The following DOCK1 variants were observed in gnomAD, a reference collection of about 807,000 sequenced individuals.
The protein encoded by DOCK1 is dedicator of cytokinesis protein 1.
Under a neutral mutation model 262.7 loss-of-function variants are expected in DOCK1, and 138 were observed. The ratio of observed to expected loss-of-function variants is 0.53; its 90% CI spans 0.46 to 0.61. DOCK1 has a LOEUF of 0.61. Among genes scored for constraint, DOCK1 ranks in the 20% least tolerant of loss-of-function variants. DOCK1 has a pLI of 0.00. For missense variants in DOCK1, 1,908 were observed against 2,370.7 expected (o/e 0.80, Z 4.05); for synonymous variants, 866 against 867.4 (o/e 1.00, Z 0.03).
intron 42 of DOCK1, among the ~76,000 whole-genome samples, chr10:127,410,284 C>A (rs1019984941): frequency 6.6e-6 from 1 of 152,156 alleles, no homozygotes; most frequent in Non-Finnish European, 1.5e-5. Flanking sequence ...ACGCTTAGAG[C>A]CTTCTCAGAT....
intron 23 of DOCK1, among the ~76,000 whole-genome samples, chr10:127,084,962 AT>A (rs757379756): frequency 6.6e-6 from 1 of 152,160 alleles, no homozygotes; most frequent in Non-Finnish European, 1.5e-5. Flanking sequence ...AAGACTGGAA[AT>A]CTTGCCTTTA....
intron 29 of DOCK1, among the ~76,000 whole-genome samples, chr10:127,261,485 T>C (rs1235301170): frequency 8.0e-6 from 1 of 124,956 alleles, no homozygotes; most frequent in Non-Finnish European, 1.6e-5. Context: ...GTACCCGTGC[T>C]CATCTGTGTG....
intron 27 of DOCK1, among the ~76,000 whole-genome samples, chr10:127,227,284 A>G (rs537059828): frequency 6.6e-6 from 1 of 152,334 alleles, no homozygotes; most frequent in African/African-American, 2.4e-5. Context: ...TGAGGCCATG[A>G]GGACACCTAC....
intron 1 of DOCK1, among the ~76,000 whole-genome samples, chr10:126,912,143 C>G (rs1403171887): frequency 6.6e-6 from 1 of 152,124 alleles, no homozygotes; most frequent in Non-Finnish European, 1.5e-5. Context: ...TACAAGGCCA[C>G]TATGGCCAGC....
At chr10:127,319,365 A>G (rs768757748) in intron 29 of DOCK1, among the ~76,000 whole-genome samples, 1 of 152,248 alleles carries the variant, frequency 6.6e-6, no homozygotes, top group Non-Finnish European at 1.5e-5. Context: ...AATGAATCCA[A>G]TATATTTTAA....
Position 126,987,529 on chromosome 10 carries a change from A to C in DOCK1, c.236A>C (p.Glu79Ala). ...EAIVEGKGQHETVIPGDLPLI... is the reference protein window; with the variant it reads ...EAIVEGKGQHATVIPGDLPLI... ...TCCTTCTTTCCTCCCAGGCAACATG[A>C]AACAGTCATCCCGGGTGACCTCCCC... The change falls in exon 5 of 52, where the codon GAA becomes GCA. Residue 79 changes from glutamate to alanine, a missense_variant. Transcript: ENST00000623213. 6.3e-7 allele frequency: 1 copy of C among 1,577,744 alleles called. No individual in the cohort carries two copies. Among genetic ancestry groups the C allele is most frequent in the Non-Finnish European group, 8.6e-7 (1 of 1,161,404 alleles).
intron 42 of DOCK1, among the ~76,000 whole-genome samples, chr10:127,409,856 G>C (rs2067740845): frequency 6.6e-6 from 1 of 152,150 alleles, no homozygotes; most frequent in South Asian, 2.1e-4. Context: ...GAACCCTTCA[G>C]CCTTACAGCA....
chr10:126,911,994 A>G (rs568169754), intron 1 of DOCK1, among the ~76,000 whole-genome samples: 1 of 152,260 alleles, frequency 6.6e-6, no homozygotes, highest in East Asian at 1.9e-4. Flanking sequence ...TTTCTTCACA[A>G]TTCTGTAATG....
chr10:127,226,227 T>C (rs1414770151), intron 27 of DOCK1, among the ~76,000 whole-genome samples: 3 of 152,198 alleles, frequency 2.0e-5, no homozygotes, highest in Non-Finnish European at 2.9e-5. Flanking sequence ...TGAATGATTA[T>C]GCATAAGGCT....
At chr10:127,266,800 T>G (rs1387847418) in intron 29 of DOCK1, among the ~76,000 whole-genome samples, 1 of 152,200 alleles carries the variant, frequency 6.6e-6, no homozygotes, top group East Asian at 1.9e-4. Flanking sequence ...CTCATGCACT[T>G]AATAATATTG....
At chr10:127,305,609 G>C (rs2061845007) in intron 29 of DOCK1, among the ~76,000 whole-genome samples, 1 of 152,164 alleles carries the variant, frequency 6.6e-6, no homozygotes, top group Non-Finnish European at 1.5e-5. Context: ...CAGACAAGGA[G>C]CTGCTGGAGA....
At chr10:126,999,748 C>G (rs1156675529) in intron 9 of DOCK1, among the ~76,000 whole-genome samples, 1 of 152,190 alleles carries the variant, frequency 6.6e-6, no homozygotes, top group African/African-American at 2.4e-5. Context: ...GTGATCTCGG[C>G]TCACTGCAAC....
intron 27 of DOCK1, among the ~76,000 whole-genome samples, chr10:127,198,444 G>A (rs1243785500): frequency 5.3e-5 from 8 of 152,210 alleles, no homozygotes; most frequent in Non-Finnish European, 7.3e-5. Flanking sequence ...GAAGTTTTCC[G>A]GGACCAAGAG....
At chr10:127,191,468 C>T (rs1420415027) in intron 27 of DOCK1, among the ~76,000 whole-genome samples, 1 of 152,158 alleles carries the variant, frequency 6.6e-6, no homozygotes, top group African/African-American at 2.4e-5. Context: ...ATCTTTGCTG[C>T]ATTTTTTAAG....
At chr10:127,280,035 A>ATATATATATATATAAT in intron 29 of DOCK1, among the ~76,000 whole-genome samples, 1 of 59,790 alleles carries the variant, frequency 1.7e-5, no homozygotes, top group Non-Finnish European at 3.3e-5. Flanking sequence ...TATATATATA[A>ATATATATATATATAAT]TTTTTTTTTT....
At position 127,439,004 on chromosome 10, in the gene DOCK1, G is replaced by A. The variant is rs760266959; in HGVS notation, c.5061-23G>A. 26 of 1,539,454 alleles carry A rather than the reference G, an allele frequency of 1.7e-5. No individual in the cohort carries two copies. In the South Asian group the frequency reaches 3.2e-4, roughly 19 times the overall value. On this transcript the variant is annotated intron_variant, in intron 48 of 51. Transcript: ENST00000623213. ...TGGAAAGCAATTGCTCTCCTATTAA[G>A]ACGTCATTGACCTTTCCTTTAGGTT...
chr10:127,346,323 G>C (rs978668336), intron 31 of DOCK1, among the ~76,000 whole-genome samples: 1 of 152,192 alleles, frequency 6.6e-6, no homozygotes, highest in Non-Finnish European at 1.5e-5. Context: ...ACAGCGGTGC[G>C]GTGGCTCATA....
chr10:127,161,561 G>A (rs2053596370), intron 27 of DOCK1, among the ~76,000 whole-genome samples: 1 of 152,202 alleles, frequency 6.6e-6, no homozygotes, highest in South Asian at 2.1e-4. Context: ...ATACTGGCAA[G>A]GCTGTTTGGA....
chr10:127,409,354 C>G lies in DOCK1; in HGVS notation c.4306C>G (p.Pro1436Ala), dbSNP rs1014668292. 6.2e-7 allele frequency: 1 copy of G among 1,613,974 alleles called. No individual in the cohort carries two copies. The highest frequency in any genetic ancestry group is 1.1e-5 in the South Asian group (1 of 91,078). ...FTVKPKLDLP[P>A]KFHRPVSEQI... ...AGTGAAGCCCAAACTCGATCTGCCTCCTAAGTTTCACAGGCCAGTGTCAGA... is the reference window on the plus strand; with the variant it reads ...AGTGAAGCCCAAACTCGATCTGCCTGCTAAGTTTCACAGGCCAGTGTCAGA... The change falls in exon 42 of 52, where the codon CCT becomes GCT. Residue 1436 changes from proline to alanine, a missense_variant. By Grantham distance (27) the Pro-to-Ala change is conservative (BLOSUM62 -1). This residue lies in a region of DOCK1 where 267 missense variants were observed against 366.3 expected (regional missense o/e 0.73). Coordinates refer to ENST00000623213, the MANE Select transcript of DOCK1 (RefSeq NM_001290223.2).
Sources: gnomAD v4.1 joint callset for allele counts (sites outside exome capture counted in the v4.1 genomes callset) on GRCh38, gnomAD v4.1.1 for gene constraint, gnomAD v4.1.1 regional missense constraint, MANE v1.5 for transcripts, NCBI Gene and HGNC (gene_info 2026-07-23, HGNC 2026-07-21) for gene names.